POFUT3: variants seen among roughly 807,000 people sequenced by gnomAD.
POFUT3 encodes GDP-fucose protein O-fucosyltransferase 3.
chr8:33,381,680 CA>C, the POFUT3 span, among the ~76,000 whole-genome samples: 1 of 152,116 alleles, frequency 6.6e-6, no homozygotes, highest in Non-Finnish European at 1.5e-5. Context: ...ACGAGTTCAT[CA>C]TCTTAGCGTG....
the POFUT3 span, among the ~76,000 whole-genome samples, chr8:33,387,103 TTGTGTG>T: frequency 6.6e-6 from 1 of 151,016 alleles, no homozygotes; most frequent in Non-Finnish European, 1.5e-5. Context: ...GTGTGTGTGT[TTGTGTG>T]TGTGTGTGTG....
the POFUT3 span, among the ~76,000 whole-genome samples, chr8:33,344,339 C>T: frequency 6.6e-6 from 1 of 152,310 alleles, no homozygotes; most frequent in South Asian, 2.1e-4. Context: ...TGGTTCTGTG[C>T]GCCTTGAGAC....
chr8:33,455,860 C>T, the POFUT3 span: 15 of 453,214 alleles, frequency 3.3e-5, no homozygotes, highest in South Asian at 1.9e-4. Context: ...GGGGAGGGCC[C>T]GTGACTTTCA....
At chr8:33,396,846 A>G in the POFUT3 span, among the ~76,000 whole-genome samples, 1 of 152,200 alleles carries the variant, frequency 6.6e-6, no homozygotes, top group Non-Finnish European at 1.5e-5. Context: ...CACAAATGAC[A>G]AATCCTCTCC....
chr8:33,343,929 G>A, the POFUT3 span, among the ~76,000 whole-genome samples: 1 of 152,112 alleles, frequency 6.6e-6, no homozygotes, highest in Non-Finnish European at 1.5e-5. Flanking sequence ...GGGGTGTTAG[G>A]ACCCCCAACC....
chr8:33,463,887 A>T, the POFUT3 span, among the ~76,000 whole-genome samples: 2 of 151,958 alleles, frequency 1.3e-5, no homozygotes, highest in Non-Finnish European at 2.9e-5. Context: ...TTTTCCTTCA[A>T]CCACAAAGTA....
the POFUT3 span, among the ~76,000 whole-genome samples, chr8:33,330,174 A>T: frequency 1.3e-5 from 2 of 152,178 alleles, no homozygotes; most frequent in Non-Finnish European, 2.9e-5. Context: ...GGCCGGGTGC[A>T]GTGGCTCACG....
At chr8:33,380,617 G>T in the POFUT3 span, among the ~76,000 whole-genome samples, 1 of 151,892 alleles carries the variant, frequency 6.6e-6, no homozygotes, top group African/African-American at 2.4e-5. Context: ...TGGGAGGATT[G>T]CTTGAGGTCA....
At chr8:33,308,207 A>G in the POFUT3 span, among the ~76,000 whole-genome samples, 1 of 152,222 alleles carries the variant, frequency 6.6e-6, no homozygotes, top group Non-Finnish European at 1.5e-5. Flanking sequence ...TAATAAGATA[A>G]AGATGTATAC....
chr8:33,349,129 A>G, the POFUT3 span, among the ~76,000 whole-genome samples: 1 of 152,192 alleles, frequency 6.6e-6, no homozygotes, highest in Non-Finnish European at 1.5e-5. Flanking sequence ...GTTCCGTGTC[A>G]AGGGTCTTAC....
chr8:33,373,801 A>G, the POFUT3 span, among the ~76,000 whole-genome samples: 2 of 152,320 alleles, frequency 1.3e-5, no homozygotes, highest in East Asian at 3.9e-4. Flanking sequence ...TGTTCTTGAA[A>G]GGCATTAACC....
At chr8:33,446,199 G>A in the POFUT3 span, among the ~76,000 whole-genome samples, 1 of 152,140 alleles carries the variant, frequency 6.6e-6, no homozygotes, top group African/African-American at 2.4e-5. Context: ...GCTCATGCCT[G>A]TAATCCCAGC....
At chr8:33,402,450 C>A in the POFUT3 span, among the ~76,000 whole-genome samples, 2 of 152,166 alleles carry the variant, frequency 1.3e-5, no homozygotes, top group Non-Finnish European at 2.9e-5. Flanking sequence ...ATTTAATCTT[C>A]TTAGAGTCTC....
the POFUT3 span, among the ~76,000 whole-genome samples, chr8:33,428,790 C>G: frequency 1.3e-5 from 2 of 152,196 alleles, no homozygotes; most frequent in Non-Finnish European, 2.9e-5. Context: ...CTTTTTGGCT[C>G]TTCCACCACG....
At chr8:33,348,918 A>T in the POFUT3 span, among the ~76,000 whole-genome samples, 110 of 152,350 alleles carry the variant, frequency 7.2e-4, no homozygotes, top group African/African-American at 2.5e-3. Flanking sequence ...AAGAATATTG[A>T]GCTAGAGAGT....
At chr8:33,405,378 G>T in the POFUT3 span, among the ~76,000 whole-genome samples, 1 of 152,012 alleles carries the variant, frequency 6.6e-6, no homozygotes, top group Non-Finnish European at 1.5e-5. Flanking sequence ...CATTTACTCA[G>T]ACAAGTATGG....
At chr8:33,440,409 C>T in the POFUT3 span, among the ~76,000 whole-genome samples, 3 of 152,048 alleles carry the variant, frequency 2.0e-5, no homozygotes, top group Non-Finnish European at 4.4e-5. Flanking sequence ...TCATCCCTGT[C>T]TGGTGGCATG....
the POFUT3 span, among the ~76,000 whole-genome samples, chr8:33,323,328 G>A: frequency 7.9e-5 from 12 of 152,254 alleles, no homozygotes; most frequent in African/African-American, 2.4e-4. Flanking sequence ...CAAAGTTCTC[G>A]TACATCCTCC....
chr8:33,309,438 T>C, the POFUT3 span, among the ~76,000 whole-genome samples: 2 of 151,116 alleles, frequency 1.3e-5, no homozygotes, highest in East Asian at 2.0e-4. Context: ...AATGAGAGCT[T>C]GGTTGGAGAG....
Sources: allele counts gnomAD v4.1 joint callset (sites outside exome capture counted in the v4.1 genomes callset), GRCh38; gene constraint gnomAD v4.1.1; transcripts MANE v1.5; gene names NCBI Gene and HGNC (gene_info 2026-07-23, HGNC 2026-07-21).